The following PCDHA1 variants were observed in gnomAD, a reference collection of about 807,000 sequenced individuals.
PCDHA1 encodes protocadherin alpha 1, also known as protocadherin alpha-1.
Under a neutral mutation model 61.3 loss-of-function variants are expected in PCDHA1, and 42 were observed. The observed-to-expected ratio is 0.69, with a 90% CI of 0.54 to 0.89. PCDHA1 has a LOEUF of 0.89. PCDHA1 is among the 40% of genes least tolerant of loss of function. The pLI is 0.00. For missense variants in PCDHA1, 1,256 were observed against 1,235.3 expected, an observed-to-expected ratio of 1.02 and a Z score of -0.25; for synonymous variants, 610 against 553.8, an observed-to-expected ratio of 1.10 and a Z score of -1.43.
chr5:140,856,824 T>C (rs1554149171), intron 1 of PCDHA1: 1 of 1,592,156 alleles, frequency 6.3e-7, no homozygotes, highest in Middle Eastern at 1.7e-4. Flanking sequence ...AACCAAACAT[T>C]AGTAATACGG....
chr5:140,904,195 C>T (rs1554191353), intron 1 of PCDHA1, among the ~76,000 whole-genome samples: 1 of 151,930 alleles, frequency 6.6e-6, no homozygotes, highest in Admixed American at 6.6e-5. Context: ...CCCACCCTTT[C>T]CCCCTAAGTC....
At chr5:140,835,501 G>A in intron 1 of PCDHA1, 2 of 1,613,940 alleles carry the variant, frequency 1.2e-6, no homozygotes, top group Non-Finnish European at 1.7e-6. Flanking sequence ...ACATTGATTA[G>A]CGTGTTTGAC....
At chr5:140,966,838 G>A in intron 1 of PCDHA1, 1 of 1,566,774 alleles carries the variant, frequency 6.4e-7, no homozygotes, top group South Asian at 1.2e-5. Context: ...CCTGGCTGCT[G>A]CTACTGCCTC....
intron 1 of PCDHA1, chr5:140,802,452 T>G: frequency 6.2e-7 from 1 of 1,614,192 alleles, no homozygotes; most frequent in Non-Finnish European, 8.5e-7. Flanking sequence ...CGAGAGCGTG[T>G]CGGCCTATGA....
chr5:140,838,268 C>G (rs1775630088), intron 1 of PCDHA1, among the ~76,000 whole-genome samples: 1 of 138,020 alleles, frequency 7.2e-6, no homozygotes, highest in African/African-American at 2.8e-5. Flanking sequence ...CGCCAACAAC[C>G]AAGCCATGCT....
At position 140,808,133 on chromosome 5, in the gene PCDHA1, T is replaced by C. The variant is rs782108978; in HGVS notation, c.2394+19449T>C. 15 of 1,614,078 alleles carry C rather than the reference T, an allele frequency of 9.3e-6. No homozygotes were observed. Among genetic ancestry groups the C allele is most frequent in the Non-Finnish European group, 1.3e-5 (15 of 1,179,886 alleles). On this transcript the variant is annotated intron_variant, in intron 1 of 3. Coordinates refer to ENST00000504120, the MANE Select transcript of PCDHA1 (RefSeq NM_018900.4). ...TATTGACTTTGAAGAAAGCAAATCC[T>C]ATGAAATTATTGTAGAGGGCATTGA...
chr5:140,805,594 A>G (rs1391183076), intron 1 of PCDHA1: 15 of 928,000 alleles, frequency 1.6e-5, no homozygotes, highest in Non-Finnish European at 1.8e-5. Flanking sequence ...TTATGTCTTT[A>G]TATATTAAAT....
At chr5:140,971,117 G>A (rs868931936) in intron 1 of PCDHA1, among the ~76,000 whole-genome samples, 1 of 152,162 alleles carries the variant, frequency 6.6e-6, no homozygotes, top group Admixed American at 6.5e-5. Flanking sequence ...ATTGGGGTGG[G>A]CTACAGGTGG....
At chr5:140,994,717 A>G (rs1350882833) in intron 3 of PCDHA1, among the ~76,000 whole-genome samples, 4 of 152,164 alleles carry the variant, frequency 2.6e-5, no homozygotes, top group African/African-American at 9.6e-5. Context: ...AAAAAAATTT[A>G]AAATACTGGG....
chr5:140,812,144 G>GC, intron 1 of PCDHA1: 1 of 137,962 alleles, frequency 7.2e-6, no homozygotes, highest in African/African-American at 2.8e-5. Context: ...CTGGTTTTGG[G>GC]CTTTTGTTGT....
intron 1 of PCDHA1, chr5:140,815,098 T>C (rs1445384708): frequency 1.3e-5 from 2 of 152,184 alleles, no homozygotes; most frequent in Admixed American, 1.3e-4. Flanking sequence ...AGCAAATCTC[T>C]TGTAGTTAGC....
At chr5:140,964,009 A>G (rs1435043905) in intron 1 of PCDHA1, among the ~76,000 whole-genome samples, 1 of 152,160 alleles carries the variant, frequency 6.6e-6, no homozygotes, top group Non-Finnish European at 1.5e-5. Context: ...CTACTTTTTA[A>G]TAGAGAGCTC....
intron 1 of PCDHA1, among the ~76,000 whole-genome samples, chr5:140,954,172 T>C (rs1297030972): frequency 6.6e-6 from 1 of 152,246 alleles, no homozygotes; most frequent in Non-Finnish European, 1.5e-5. Flanking sequence ...ATTTTCTTTA[T>C]CCAGTCTATC....
intron 1 of PCDHA1, chr5:140,851,041 G>T: frequency 7.2e-7 from 1 of 1,393,950 alleles, no homozygotes. Context: ...TAACATTGGA[G>T]CCGACTTTGT....
At chr5:140,829,920 A>G in intron 1 of PCDHA1, 2 of 1,613,998 alleles carry the variant, frequency 1.2e-6, no homozygotes, top group Non-Finnish European at 1.7e-6. Context: ...CTTTCGTATG[A>G]GCTGCAGCCC....
rs1284021507 is a variant in PCDHA1, at chr5:140,883,838, G to C, written c.2395-95111G>C. The C allele has an allele frequency of 6.2e-7, 1 of 1,612,620 alleles. No individual in the cohort carries two copies. The highest frequency in any genetic ancestry group is 8.5e-7 in the Non-Finnish European group (1 of 1,179,840). On this transcript the variant is annotated intron_variant, in intron 1 of 3. Coordinates refer to ENST00000504120, the MANE Select transcript of PCDHA1 (RefSeq NM_018900.4). ...CAAGGTGTACGCGCTGCAGCCGTTG[G>C]ACCACGAGGAGCTGGAGCTGTTGCA...
rs2150339268 is a variant in PCDHA1, at chr5:140,842,564, C to T, written c.2394+53880C>T. ...GTTGGTGCTGGACAGCGCCCTGGACCGCGAGAGAGTGTCGGCCTATGAGTT... is the reference window on the plus strand; with the variant it reads ...GTTGGTGCTGGACAGCGCCCTGGACTGCGAGAGAGTGTCGGCCTATGAGTT... On this transcript the variant is annotated intron_variant, in intron 1 of 3. Transcript: ENST00000504120. 4 of 1,500,320 alleles carry T rather than the reference C, an allele frequency of 2.7e-6. 1 individual carries two copies. The highest frequency in any genetic ancestry group is 1.9e-5 in the Admixed American group (1 of 52,900). The allele number at this position is 1,500,320 out of a possible 1,614,324, so 92.9% of individuals were successfully genotyped here.
intron 1 of PCDHA1, chr5:140,861,587 G>A (rs781869263): frequency 4.3e-5 from 16 of 374,992 alleles, no homozygotes; most frequent in Middle Eastern, 1.0e-3. Context: ...TCCATGTGGA[G>A]GTGAAAGTGA....
chr5:140,872,785 C>T (rs781982200), intron 1 of PCDHA1, among the ~76,000 whole-genome samples: 12 of 152,072 alleles, frequency 7.9e-5, no homozygotes, highest in Non-Finnish European at 1.3e-4. Context: ...ATAATATATG[C>T]TAGTTGGCAT....
Sources: gnomAD v4.1 joint callset for allele counts (sites outside exome capture counted in the v4.1 genomes callset) on GRCh38, gnomAD v4.1.1 for gene constraint, MANE v1.5 for transcripts, NCBI Gene and HGNC (gene_info 2026-07-23, HGNC 2026-07-21) for gene names.